PTPRK: variants seen among roughly 807,000 people sequenced by gnomAD.
PTPRK encodes the protein receptor-type tyrosine-protein phosphatase kappa.
A neutral mutation model predicts 178.0 loss-of-function variants in PTPRK; 75 were observed. That is an observed-to-expected ratio of 0.42 (90% confidence interval 0.35 to 0.51). PTPRK has a LOEUF of 0.51. PTPRK is among the 20% of genes least tolerant of loss of function. The pLI, the probability that PTPRK is intolerant of heterozygous loss-of-function variation, is 0.02. For synonymous variants in PTPRK, 637 were observed against 620.6 expected (o/e 1.03, Z -0.39); for missense variants, 1,441 against 1,797.8 (o/e 0.80, Z 3.59).
At chr6:128,396,066 T>A (rs545488545) in intron 2 of PTPRK, among the ~76,000 whole-genome samples, 63 of 151,988 alleles carry the variant, frequency 4.1e-4, no homozygotes, top group African/African-American at 1.3e-3. Context: ...CTTTTTTTTT[T>A]AAATCACATT....
intron 1 of PTPRK, among the ~76,000 whole-genome samples, chr6:128,489,416 C>G (rs949828406): frequency 1.3e-5 from 2 of 152,160 alleles, no homozygotes; most frequent in East Asian, 3.9e-4. Context: ...GCACACAGAG[C>G]AGATAATGGC....
Position 128,493,420 on chromosome 6 carries a change from G to A in PTPRK, c.100+26839C>T, listed in dbSNP as rs1250389160. 2.0e-5 allele frequency among the ~76,000 whole-genome samples: 3 copies of A among 151,870 alleles called. No individual in the cohort carries two copies. In the East Asian group the frequency reaches 5.8e-4, roughly 29 times the overall value. On this transcript the variant is annotated intron_variant, in intron 1 of 29. Coordinates refer to ENST00000368226, the MANE Select transcript of PTPRK (RefSeq NM_002844.4). ...TACTAAAAATACAAAAAATTAGCTG[G>A]GCATGGTGGCAGGCGCCTGTAGTCC...
In PTPRK at chr6:128,295,982, C is replaced by A. The variant is rs547015570; in HGVS notation, c.495+26057G>T. Among the ~76,000 whole-genome samples the A allele has an allele frequency of 3.3e-5, 5 of 152,222 alleles. No homozygotes were observed. The East Asian group carries it at 9.7e-4, about 29-fold the overall frequency. On this transcript the variant is annotated intron_variant, in intron 3 of 29. Transcript: ENST00000368226. ...TCTAAAGAACATAAAAAACGATTAA[C>A]ATCACTGAAATCAAGTTCCTAGCAA...
intron 3 of PTPRK, among the ~76,000 whole-genome samples, chr6:128,294,659 T>C (rs548112889): frequency 6.6e-6 from 1 of 152,208 alleles, no homozygotes; most frequent in South Asian, 2.1e-4. Flanking sequence ...GTATATCTGA[T>C]AGTAATTAAA....
At chr6:128,501,934 C>T (rs1421614852) in intron 1 of PTPRK, among the ~76,000 whole-genome samples, 1 of 152,118 alleles carries the variant, frequency 6.6e-6, no homozygotes, top group Non-Finnish European at 1.5e-5. Context: ...AAATTAAAAT[C>T]CATCAAAGTG....
At chr6:128,409,459 T>C (rs1016728841) in intron 1 of PTPRK, 1 of 273,586 alleles carries the variant, frequency 3.7e-6, no homozygotes, top group African/African-American at 2.3e-5. Context: ...TAAATATGTA[T>C]ATTTTCATTA....
intron 6 of PTPRK, among the ~76,000 whole-genome samples, chr6:128,191,148 G>T (rs141570301): frequency 3.9e-5 from 6 of 152,012 alleles, no homozygotes; most frequent in Admixed American, 2.0e-4. Flanking sequence ...GGGGAAAAAA[G>T]AATTACAAAT....
intron 13 of PTPRK, among the ~76,000 whole-genome samples, chr6:128,036,223 G>T (rs1046610125): frequency 6.6e-6 from 1 of 152,096 alleles, no homozygotes; most frequent in African/African-American, 2.4e-5. Flanking sequence ...AGCCCAATAA[G>T]ACTACTGAGT....
intron 7 of PTPRK, among the ~76,000 whole-genome samples, chr6:128,130,692 T>C (rs1037535825): frequency 2.6e-5 from 4 of 152,172 alleles, no homozygotes; most frequent in African/African-American, 9.7e-5. Context: ...ATTTTGAAAA[T>C]TCATTTGGCA....
chr6:128,336,191 G>GTTTTTTT (rs67818767), intron 2 of PTPRK, among the ~76,000 whole-genome samples: 1 of 147,452 alleles, frequency 6.8e-6, no homozygotes. Flanking sequence ...CCAACAGTGT[G>GTTTTTTT]TTTTTTTTTT....
intron 2 of PTPRK, among the ~76,000 whole-genome samples, chr6:128,347,627 T>C (rs1374342880): frequency 2.0e-5 from 3 of 152,098 alleles, no homozygotes; most frequent in Non-Finnish European, 4.4e-5. Flanking sequence ...AAGGGGACAG[T>C]AGATAAATAC....
intron 3 of PTPRK, among the ~76,000 whole-genome samples, chr6:128,290,697 C>T (rs1165467724): frequency 6.6e-6 from 1 of 152,014 alleles, no homozygotes; most frequent in Non-Finnish European, 1.5e-5. Context: ...TAAACTTATA[C>T]CCTGTATGTT....
intron 23 of PTPRK, 59 bp downstream of exon 23, chr6:127,983,183 C>G: frequency 6.9e-7 from 1 of 1,448,928 alleles, no homozygotes. Flanking sequence ...GACATCTACT[C>G]TTTGTTTGCA....
chr6:128,101,921 A>G (rs1015024464), intron 7 of PTPRK, among the ~76,000 whole-genome samples: 25 of 152,198 alleles, frequency 1.6e-4, no homozygotes, highest in Middle Eastern at 3.2e-3. Context: ...TTTCAGTGAC[A>G]GCTTGGTCAG....
intron 7 of PTPRK, among the ~76,000 whole-genome samples, chr6:128,093,962 C>G (rs1787481460): frequency 3.9e-5 from 6 of 152,128 alleles, no homozygotes; most frequent in Admixed American, 3.9e-4. Flanking sequence ...ATAACTTCCA[C>G]CTTTCAAATG....
At chr6:128,237,063 T>G (rs888600451) in intron 5 of PTPRK, among the ~76,000 whole-genome samples, 9 of 152,200 alleles carry the variant, frequency 5.9e-5, no homozygotes, top group African/African-American at 9.7e-5. Context: ...AATTTTTCAG[T>G]TTTTCCATAA....
intron 7 of PTPRK, among the ~76,000 whole-genome samples, chr6:128,123,001 C>T (rs555171133): frequency 1.4e-4 from 22 of 152,122 alleles, no homozygotes; most frequent in Non-Finnish European, 2.9e-4. Flanking sequence ...CAGAATGGAA[C>T]TTTATTTGGA....
intron 1 of PTPRK, among the ~76,000 whole-genome samples, chr6:128,475,826 T>C (rs1451534263): frequency 2.0e-5 from 3 of 151,958 alleles, no homozygotes; most frequent in Admixed American, 6.6e-5. Context: ...GAGAAAAATA[T>C]GTTGCTATTT....
intron 7 of PTPRK, among the ~76,000 whole-genome samples, chr6:128,179,204 C>G (rs1382271587): frequency 6.6e-6 from 1 of 151,958 alleles, no homozygotes; most frequent in Non-Finnish European, 1.5e-5. Flanking sequence ...CTAGTGACTT[C>G]TAGGAGCTTA....
Sources: allele counts gnomAD v4.1 joint callset (sites outside exome capture counted in the v4.1 genomes callset), GRCh38; gene constraint gnomAD v4.1.1; transcripts MANE v1.5; gene names NCBI Gene and HGNC (gene_info 2026-07-23, HGNC 2026-07-21).